BMERB1: variants seen among roughly 807,000 people sequenced by gnomAD.
BMERB1 encodes bMERB domain containing 1.
BMERB1 carries 12 observed loss-of-function variants against 23.6 expected under a neutral mutation model. The observed-to-expected ratio is 0.51, with a 90% CI of 0.33 to 0.82. The LOEUF is 0.82. Ranked by LOEUF, BMERB1 falls within the 40% of genes least tolerant of loss-of-function variation. BMERB1 has a pLI of 0.03. For missense variants in BMERB1, 247 were observed against 255.4 expected, an observed-to-expected ratio of 0.97 and a Z score of 0.22; for synonymous variants, 122 against 96.6, an observed-to-expected ratio of 1.26 and a Z score of -1.54.
At chr16:15,530,192 G>A (rs1254017474) in intron 2 of BMERB1, among the ~76,000 whole-genome samples, 1 of 152,094 alleles carries the variant, frequency 6.6e-6, no homozygotes, top group Non-Finnish European at 1.5e-5. Context: ...TGTATGCCTA[G>A]CATTCCATTA....
At chr16:15,507,613 C>G (rs145738604) in intron 1 of BMERB1, among the ~76,000 whole-genome samples, 1 of 152,206 alleles carries the variant, frequency 6.6e-6, no homozygotes, top group Admixed American at 6.5e-5. Context: ...CCCGTTTCTT[C>G]CCGTGATTTG....
intron 1 of BMERB1, among the ~76,000 whole-genome samples, chr16:15,510,522 A>G (rs1356728054): frequency 6.6e-6 from 1 of 152,084 alleles, no homozygotes; most frequent in Non-Finnish European, 1.5e-5. Flanking sequence ...CATCCCTCAC[A>G]TCTGTTTTGG....
intron 3 of BMERB1, among the ~76,000 whole-genome samples, chr16:15,569,817 G>T (rs1161471405): frequency 7.9e-5 from 12 of 152,168 alleles, no homozygotes; most frequent in Admixed American, 7.9e-4. Context: ...TGCAAATCTT[G>T]TGACCTCTGG....
At chr16:15,562,464 C>T (rs1262015933) in intron 2 of BMERB1, among the ~76,000 whole-genome samples, 2 of 152,092 alleles carry the variant, frequency 1.3e-5, no homozygotes, top group African/African-American at 4.8e-5. Flanking sequence ...TCCATCTTCT[C>T]CTCTCTTACC....
chr16:15,568,175 C>G (rs2030630208), intron 3 of BMERB1, 119 bp downstream of exon 3: 3 of 758,830 alleles, frequency 4.0e-6, no homozygotes, highest in Non-Finnish European at 6.5e-6. Flanking sequence ...TGCTCCCTGA[C>G]TGCATGTGTC....
In BMERB1 at chr16:15,568,579, A is replaced by G. The variant is rs185999556; in HGVS notation, c.304+523A>G. Among the ~76,000 whole-genome samples the G allele has an allele frequency of 5.0e-3, 754 of 152,274 alleles. 11 individuals carry two copies. Among genetic ancestry groups the G allele is most frequent in the African/African-American group, 0.017 (703 of 41,560 alleles). On this transcript the variant is annotated intron_variant, in intron 3 of 5. Transcript: ENST00000300006. The stretch of plus-strand genomic sequence containing the variant: ...CTTGAGCTTGGGAGGTGGAGGTTGC[A>G]GTGAGCTGAGATTGTGCCATTGCAC...
intron 2 of BMERB1, among the ~76,000 whole-genome samples, chr16:15,524,046 A>G (rs1213789904): frequency 2.0e-5 from 3 of 152,108 alleles, no homozygotes; most frequent in Admixed American, 2.0e-4. Flanking sequence ...TTCCCCTTTA[A>G]TGAGCTGATA....
At chr16:15,510,471 C>T (rs2051650072) in intron 1 of BMERB1, among the ~76,000 whole-genome samples, 1 of 152,106 alleles carries the variant, frequency 6.6e-6, no homozygotes, top group Non-Finnish European at 1.5e-5. Flanking sequence ...ATAACGAGGG[C>T]AATTGCAAGC....
At chr16:15,565,788 A>C (rs1305639994) in intron 2 of BMERB1, among the ~76,000 whole-genome samples, 2 of 152,228 alleles carry the variant, frequency 1.3e-5, no homozygotes, top group Admixed American at 6.5e-5. Flanking sequence ...TGAGCCCAGG[A>C]GTTCAGGGCT....
intron 1 of BMERB1, among the ~76,000 whole-genome samples, chr16:15,482,261 G>C (rs2051328509): frequency 6.6e-6 from 1 of 151,758 alleles, no homozygotes; most frequent in Non-Finnish European, 1.5e-5. Context: ...ATGATGTTAA[G>C]GCAACATCTT....
At chr16:15,548,371 G>A (rs1301647954) in intron 2 of BMERB1, among the ~76,000 whole-genome samples, 1 of 152,128 alleles carries the variant, frequency 6.6e-6, no homozygotes, top group Non-Finnish European at 1.5e-5. Context: ...ATAATACTCA[G>A]CTTCTCTTCT....
intron 1 of BMERB1, among the ~76,000 whole-genome samples, chr16:15,503,781 A>G (rs2051555362): frequency 6.6e-6 from 1 of 152,180 alleles, no homozygotes; most frequent in Non-Finnish European, 1.5e-5. Context: ...CCCAGGTCGC[A>G]CAATTAGTGA....
At chr16:15,560,569 A>G (rs1002638181) in intron 2 of BMERB1, among the ~76,000 whole-genome samples, 18 of 152,246 alleles carry the variant, frequency 1.2e-4, no homozygotes, top group African/African-American at 3.6e-4. Context: ...AGGTGGGTGG[A>G]TTGCTTGAGT....
In BMERB1 at chr16:15,521,149, G is replaced by A. The variant is rs149497483; in HGVS notation, c.230+5721G>A. On this transcript the variant is annotated intron_variant, in intron 2 of 5. Transcript: ENST00000300006. ...GCTCCCATCTCCTTGGCTGCAGCAC[G>A]CAATTAAAATCTTCCTTGGCAATAC... is the stretch of plus-strand genomic sequence containing the variant. Among the ~76,000 whole-genome samples, 544 of 152,304 alleles carry A rather than the reference G, an allele frequency of 3.6e-3. 7 individuals are homozygous for A. The highest frequency in any genetic ancestry group is 0.012 in the African/African-American group (512 of 41,562).
At chr16:15,436,703 C>T (rs965644801) in intron 1 of BMERB1, among the ~76,000 whole-genome samples, 1 of 151,878 alleles carries the variant, frequency 6.6e-6, no homozygotes, top group African/African-American at 2.4e-5. Context: ...AATACCCTCC[C>T]CAGCCTCTGG....
chr16:15,453,691 G>A (rs911047012), intron 1 of BMERB1, among the ~76,000 whole-genome samples: 4 of 152,210 alleles, frequency 2.6e-5, no homozygotes, highest in Middle Eastern at 3.4e-3. Context: ...GGCCAACGTG[G>A]TGAAACCCTG....
At chr16:15,457,253 T>C (rs1337445220) in intron 1 of BMERB1, among the ~76,000 whole-genome samples, 1 of 152,106 alleles carries the variant, frequency 6.6e-6, no homozygotes, top group Non-Finnish European at 1.5e-5. Context: ...TTAAAACTAA[T>C]TAACTTGAGG....
chr16:15,464,931 CTTATTTTA>C (rs2051168601), intron 1 of BMERB1, among the ~76,000 whole-genome samples: 1 of 152,112 alleles, frequency 6.6e-6, no homozygotes, highest in African/African-American at 2.4e-5. Context: ...AGGTCTCAGC[CTTATTTTA>C]CCCTTATTCA....
intron 1 of BMERB1, among the ~76,000 whole-genome samples, chr16:15,437,132 A>G (rs2050895350): frequency 6.6e-6 from 1 of 152,090 alleles, no homozygotes; most frequent in East Asian, 1.9e-4. Context: ...AAAACTTCCT[A>G]AGTCTATTGA....
Sources: allele counts gnomAD v4.1 joint callset (sites outside exome capture counted in the v4.1 genomes callset), GRCh38; gene constraint gnomAD v4.1.1; transcripts MANE v1.5; gene names NCBI Gene and HGNC (gene_info 2026-07-23, HGNC 2026-07-21).